NRG3: variants seen among roughly 807,000 people sequenced by gnomAD.
The protein encoded by NRG3 is neuregulin 3.
NRG3 carries 31 observed loss-of-function variants against 66.9 expected under a neutral mutation model. The ratio of observed to expected loss-of-function variants is 0.46; its 90% CI spans 0.35 to 0.63. The LOEUF (loss-of-function observed/expected upper bound fraction) is 0.63. Ranked by LOEUF, NRG3 falls within the 20% of genes least tolerant of loss-of-function variation. The pLI is 0.00. For missense variants in NRG3, 910 were observed against 878.9 expected (o/e 1.04, Z -0.45); for synonymous variants, 393 against 359.4 (o/e 1.09, Z -1.06).
At chr10:82,093,616 A>G (rs2066157131) in intron 1 of NRG3, among the ~76,000 whole-genome samples, 3 of 152,230 alleles carry the variant, frequency 2.0e-5, no homozygotes, top group Non-Finnish European at 2.9e-5. Context: ...GGTGTCTCAC[A>G]ACAACCCACT....
intron 1 of NRG3, among the ~76,000 whole-genome samples, chr10:82,306,873 G>A (rs1004975613): frequency 1.3e-5 from 2 of 152,024 alleles, no homozygotes; most frequent in Non-Finnish European, 2.9e-5. Flanking sequence ...GGTAAATTGT[G>A]TTTTTCTAGA....
At chr10:82,827,600 G>A (rs1205168322) in intron 3 of NRG3, among the ~76,000 whole-genome samples, 1 of 152,170 alleles carries the variant, frequency 6.6e-6, no homozygotes, top group Non-Finnish European at 1.5e-5. Context: ...AATTATCCGT[G>A]TCTGTAATAA....
At chr10:82,840,884 T>G (rs746589690) in intron 3 of NRG3, among the ~76,000 whole-genome samples, 3 of 152,110 alleles carry the variant, frequency 2.0e-5, no homozygotes, top group Non-Finnish European at 4.4e-5. Flanking sequence ...ATTGCTGTGA[T>G]GTTGTGGGTT....
At chr10:82,250,565 G>C (rs1286859297) in intron 1 of NRG3, among the ~76,000 whole-genome samples, 1 of 152,106 alleles carries the variant, frequency 6.6e-6, no homozygotes, top group Non-Finnish European at 1.5e-5. Flanking sequence ...TCCAGCTTGG[G>C]CAACAAGAGC....
At chr10:82,556,576 GTTGTCTGGT>G (rs1216247840) in intron 2 of NRG3, among the ~76,000 whole-genome samples, 2 of 152,212 alleles carry the variant, frequency 1.3e-5, no homozygotes, top group East Asian at 3.9e-4. Flanking sequence ...CCCTTTCTGT[GTTGTCTGGT>G]TTGTCTGGTG....
chr10:82,029,933 C>CTAAAGTA (rs2062484889), intron 1 of NRG3, among the ~76,000 whole-genome samples: 1 of 152,058 alleles, frequency 6.6e-6, no homozygotes, highest in African/African-American at 2.4e-5. Flanking sequence ...ATAGAATCAC[C>CTAAAGTA]TAAAGTATAA....
At chr10:82,353,883 G>T (rs1468376943) in intron 1 of NRG3, among the ~76,000 whole-genome samples, 1 of 151,890 alleles carries the variant, frequency 6.6e-6, no homozygotes, top group Non-Finnish European at 1.5e-5. Flanking sequence ...CCTCTATGCT[G>T]CTGGGCTGAT....
intron 2 of NRG3, among the ~76,000 whole-genome samples, chr10:82,542,745 C>T (rs1198995915): frequency 6.6e-6 from 1 of 152,180 alleles, no homozygotes; most frequent in Non-Finnish European, 1.5e-5. Context: ...CCTGTGAACA[C>T]ATTAGACAAA....
chr10:81,906,237 T>C (rs1844595044), intron 1 of NRG3, among the ~76,000 whole-genome samples: 1 of 152,106 alleles, frequency 6.6e-6, no homozygotes, highest in Non-Finnish European at 1.5e-5. Context: ...ATCATCATGT[T>C]CATTGGAAAC....
chr10:82,124,171 A>T (rs1293854429), intron 1 of NRG3, among the ~76,000 whole-genome samples: 1 of 152,004 alleles, frequency 6.6e-6, no homozygotes, highest in African/African-American at 2.4e-5. Flanking sequence ...TGAAAGGTGT[A>T]GGTTATTGGG....
chr10:82,532,596 T>C (rs977436558), intron 2 of NRG3, among the ~76,000 whole-genome samples: 1 of 148,066 alleles, frequency 6.8e-6, no homozygotes, highest in Non-Finnish European at 1.5e-5. Context: ...GTACTATATA[T>C]GTATATATGT....
intron 1 of NRG3, among the ~76,000 whole-genome samples, chr10:81,919,205 A>G (rs564493807): frequency 1.3e-5 from 2 of 152,250 alleles, no homozygotes; most frequent in South Asian, 2.1e-4. Flanking sequence ...GAGCACTTGA[A>G]GGGATGGCAT....
intron 4 of NRG3, among the ~76,000 whole-genome samples, chr10:82,884,656 A>G (rs1842584738): frequency 6.6e-6 from 1 of 152,176 alleles, no homozygotes; most frequent in South Asian, 2.1e-4. Flanking sequence ...CCAGTAGCAT[A>G]CTTGTGTTTT....
chr10:82,708,312 T>C (rs2056447093), intron 2 of NRG3, among the ~76,000 whole-genome samples: 1 of 152,188 alleles, frequency 6.6e-6, no homozygotes, highest in South Asian at 2.1e-4. Context: ...CTTTTTTCTT[T>C]CCAACATGTA....
chr10:82,918,608 C>G (rs1475782514), intron 4 of NRG3, among the ~76,000 whole-genome samples: 1 of 152,112 alleles, frequency 6.6e-6, no homozygotes, highest in Non-Finnish European at 1.5e-5. Context: ...ATGGATATGA[C>G]CATTATAACC....
intron 2 of NRG3, among the ~76,000 whole-genome samples, chr10:82,368,666 C>T (rs1290582036): frequency 7.2e-6 from 1 of 138,140 alleles, no homozygotes; most frequent in East Asian, 2.1e-4. Flanking sequence ...GAAGCTTCTC[C>T]CATGCAGACA....
intron 2 of NRG3, among the ~76,000 whole-genome samples, chr10:82,694,982 C>A (rs2055258401): frequency 1.3e-5 from 2 of 151,906 alleles, no homozygotes; most frequent in Admixed American, 6.6e-5. Flanking sequence ...TTAAGGCAGC[C>A]ATTTTAAGGC....
chr10:82,665,102 C>T (rs1363331162), intron 2 of NRG3, among the ~76,000 whole-genome samples: 1 of 152,054 alleles, frequency 6.6e-6, no homozygotes, highest in Non-Finnish European at 1.5e-5. Context: ...ATTTTCATTC[C>T]CAGCCATTGT....
chr10:82,467,576 G>C (rs1209308838), intron 2 of NRG3, among the ~76,000 whole-genome samples: 1 of 152,212 alleles, frequency 6.6e-6, no homozygotes, highest in African/African-American at 2.4e-5. Context: ...CTTTCAGAGA[G>C]AGAAGACTGT....
Sources: allele counts gnomAD v4.1 joint callset (sites outside exome capture counted in the v4.1 genomes callset), GRCh38; gene constraint gnomAD v4.1.1; transcripts MANE v1.5; gene names NCBI Gene and HGNC (gene_info 2026-07-23, HGNC 2026-07-21).